The following ORC6 variants were observed in gnomAD, a reference collection of about 807,000 sequenced individuals.
ORC6 encodes origin recognition complex, subunit 6 homolog-like (yeast).
Under a neutral mutation model 30.0 loss-of-function variants are expected in ORC6, and 31 were observed. The observed-to-expected ratio is 1.03, with a 90% CI of 0.78 to 1.40. The LOEUF (loss-of-function observed/expected upper bound fraction) is 1.40. ORC6 is among the 40% of genes most tolerant of loss of function. The pLI is 0.00. For missense variants in ORC6, 340 were observed against 304.3 expected, an observed-to-expected ratio of 1.12 and a Z score of -0.87; for synonymous variants, 136 against 111.2, an observed-to-expected ratio of 1.22 and a Z score of -1.40.
chr16:46,689,789 G>C lies in ORC6; in HGVS notation c.65+19G>C, dbSNP rs892058354. ...TGCTGAGGTGAGTTCGGCCGCGCAA[G>C]ACCAGGGCTGGGCTTCCGCCTCGCG... On this transcript the variant is annotated intron_variant, in intron 1 of 6. Transcript: ENST00000219097. The C allele has an allele frequency of 1.9e-6, 3 of 1,578,270 alleles. No homozygotes were observed. The highest frequency in any genetic ancestry group is 1.7e-6 in the Non-Finnish European group (2 of 1,164,336).
intron 2 of ORC6, among the ~76,000 whole-genome samples, chr16:46,691,974 T>TCTCTCTCTCTCTCTC (rs1198359001): frequency 6.8e-6 from 1 of 146,592 alleles, no homozygotes; most frequent in Non-Finnish European, 1.5e-5. Context: ...TCTCTCTCTC[T>TCTCTCTCTCTCTCTC]CTCTCTCACC....
chr16:46,693,640 A>G (rs906256969), intron 4 of ORC6: 3 of 142,004 alleles, frequency 2.1e-5, no homozygotes, highest in Admixed American at 7.0e-5. Flanking sequence ...ATCTCTTAAG[A>G]AAAAAAAAAA....
Position 46,692,994 on chromosome 16 carries a change from CAT to C in ORC6, c.360-96_360-95del. On this transcript the variant is annotated intron_variant, in intron 3 of 6. Coordinates refer to ENST00000219097, the MANE Select transcript of ORC6 (RefSeq NM_014321.4). ...ATGACTCGTGTTAAGTGACAGCACA[CAT>C]ATCCATTTTAAAAGCTTGTAAGTTC... 4.9e-6 allele frequency: 4 copies of C among 815,316 alleles called. 1 individual carries two copies. Among genetic ancestry groups the C allele is most frequent in the South Asian group, 4.0e-5 (3 of 74,270 alleles). The allele number at this position is 815,316 out of a possible 1,614,324, so 50.5% of individuals were successfully genotyped here.
rs983090557 is a variant in ORC6, at chr16:46,691,542, A to G, written c.195+422A>G. 3.3e-5 allele frequency among the ~76,000 whole-genome samples: 5 copies of G among 152,238 alleles called. No individual in the cohort carries two copies. The South Asian group carries it at 8.3e-4, about 25-fold the overall frequency. On this transcript the variant is annotated intron_variant, in intron 2 of 6. Coordinates refer to ENST00000219097, the MANE Select transcript of ORC6 (RefSeq NM_014321.4). ...CAGTGTCCTCATCCATAAAGTGAAG[A>G]TAAAATATCCAATTTCGCTGGATTA...
At chr16:46,690,291 A>G (rs182334165) in intron 1 of ORC6, among the ~76,000 whole-genome samples, 1 of 152,378 alleles carries the variant, frequency 6.6e-6, no homozygotes, top group Non-Finnish European at 1.5e-5. Flanking sequence ...GAGGAAAGAT[A>G]TGGCAAGAGC....
chr16:46,697,817 A>G lies in ORC6; in HGVS notation c.*232A>G, dbSNP rs531879095. 4.5e-5 allele frequency: 28 copies of G among 620,408 alleles called. No individual in the cohort carries two copies. Among genetic ancestry groups the G allele is most frequent in the Admixed American group, 1.9e-4 (9 of 47,418 alleles). The allele number at this position is 620,408 out of a possible 1,614,324, so 38.4% of individuals were successfully genotyped here. ...TTGGTATAGCCTTATGTGCTTTCCT[A>G]CAAAATGGAATTGGAGGCCGGGCGC... On this transcript the variant is annotated 3_prime_UTR_variant, in exon 7 of 7. Coordinates refer to ENST00000219097, the MANE Select transcript of ORC6 (RefSeq NM_014321.4).
chr16:46,691,040 T>A lies in ORC6; in HGVS notation c.115T>A (p.Ser39Thr). ...RLSRVKCVGLSARTTETSSAV... is the reference protein window; with the variant it reads ...RLSRVKCVGLTARTTETSSAV... Reference sequence around the variant, plus strand: ...GTCCCGGGTGAAGTGTGTCGGCCTCTCCGCACGCACCACGGAGACCAGCAG... The same window carrying A: ...GTCCCGGGTGAAGTGTGTCGGCCTCACCGCACGCACCACGGAGACCAGCAG... Residue 39 changes from serine (S) to threonine (T), a missense_variant, in exon 2 of 7, where the codon TCC (serine) becomes ACC (threonine). By Grantham distance (58) the Ser-to-Thr change is moderately conservative. Transcript: ENST00000219097. 1.9e-6 allele frequency: 3 copies of A among 1,614,200 alleles called. No homozygotes were observed. The highest frequency in any genetic ancestry group is 1.7e-6 in the Non-Finnish European group (2 of 1,179,998).
Position 46,693,157 on chromosome 16 carries a change from TCTG to T in ORC6, c.429_431del (p.Ala144del), listed in dbSNP as rs1167093637. 3 of 1,612,262 alleles carry T rather than the reference TCTG, an allele frequency of 1.9e-6. No individual in the cohort carries two copies. Among genetic ancestry groups the T allele is most frequent in the Non-Finnish European group, 2.5e-6 (3 of 1,178,314 alleles). On this transcript the variant is annotated inframe_deletion, in exon 4 of 7. Transcript: ENST00000219097. The stretch of plus-strand genomic sequence containing the variant: ...TGACTTATCCAGGCCACTTTTCACT[TCTG>T]CTGCACTGCTTTCAGCATGCAAGTA...
At position 46,691,054 on chromosome 16, in the gene ORC6, G is replaced by C; in HGVS notation, c.129G>C (p.Thr43=). The C allele has an allele frequency of 1.9e-6, 3 of 1,614,100 alleles. No individual in the cohort carries two copies. Among genetic ancestry groups the C allele is most frequent in the Middle Eastern group, 1.6e-4 (1 of 6,062 alleles). Residue 43 remains threonine (T), a synonymous_variant, in exon 2 of 7, where the codon ACG becomes ACC. Coordinates refer to ENST00000219097, the MANE Select transcript of ORC6 (RefSeq NM_014321.4). ...GTGTCGGCCTCTCCGCACGCACCAC[G>C]GAGACCAGCAGTGCAGTCATGTGCC... ...VKCVGLSART[T]ETSSAVMCLD...
At chr16:46,696,193 T>C (rs1567275369) in intron 6 of ORC6, 108 bp downstream of exon 6, 2 of 767,602 alleles carry the variant, frequency 2.6e-6, no homozygotes, top group African/African-American at 3.4e-5. Flanking sequence ...ACATTCTGAC[T>C]GTGAATCATT....
chr16:46,689,925 C>G (rs1293393111), intron 1 of ORC6, 155 bp downstream of exon 1: 1 of 1,147,232 alleles, frequency 8.7e-7, no homozygotes, highest in African/African-American at 1.6e-5. Flanking sequence ...AGAAAAACTT[C>G]TCGGCCGTGA....
Position 46,689,697 on chromosome 16 carries a change from G to T in ORC6, c.-9G>T, listed in dbSNP as rs772249561. 2.5e-6 allele frequency: 4 copies of T among 1,598,382 alleles called. No homozygotes were observed. Among genetic ancestry groups the T allele is most frequent in the African/African-American group, 1.3e-5 (1 of 74,810 alleles). The stretch of plus-strand genomic sequence containing the variant: ...GTTCACGGGAATTGTTCGCTTTAGT[G>T]CCGGCGCCATGGGGTCGGAGCTGAT... On this transcript the variant is annotated 5_prime_UTR_variant, in exon 1 of 7. Transcript: ENST00000219097.
At chr16:46,694,482 CG>C (rs1183949729) in intron 4 of ORC6, 1 of 140,482 alleles carries the variant, frequency 7.1e-6, no homozygotes, top group South Asian at 2.4e-4. Flanking sequence ...GCTGGCCGGG[CG>C]GGGGGGCTGA....
chr16:46,694,626 G>GC (rs1381516945), intron 4 of ORC6: 2 of 25,762 alleles, frequency 7.8e-5, no homozygotes, highest in Non-Finnish European at 2.4e-4. Context: ...GGGGCGGCTG[G>GC]CCGGGCGGGG....
intron 2 of ORC6, among the ~76,000 whole-genome samples, 182 bp downstream of exon 2, chr16:46,691,302 C>G (rs1224630721): frequency 1.3e-5 from 2 of 152,192 alleles, no homozygotes; most frequent in Non-Finnish European, 2.9e-5. Context: ...GCCATGTTTT[C>G]TTTACTCTTC....
chr16:46,698,160 T>TATAGATGG lies in ORC6; in HGVS notation c.*581_*582insGGATAGAT, dbSNP rs1966542173. The TATAGATGG allele has an allele frequency of 2.7e-6, 1 of 368,720 alleles. No individual in the cohort carries two copies. The highest frequency in any genetic ancestry group is 5.6e-6 in the Non-Finnish European group (1 of 180,124). 22.8% of individuals were successfully genotyped at this position (368,720 alleles called of 1,614,324 possible). A position where few individuals can be genotyped will look rare whatever the true frequency, so the allele number is the denominator to read the frequency against. On this transcript the variant is annotated 3_prime_UTR_variant, in exon 7 of 7. Coordinates refer to ENST00000219097, the MANE Select transcript of ORC6 (RefSeq NM_014321.4). ...CCAGCCTGGGTGACAGAGCGAGACT[T>TATAGATGG]ATAGATAGATAGATAGATAGATGGA...
intron 2 of ORC6, 134 bp from the exon 3 acceptor site, chr16:46,692,248 A>G (rs997141842): frequency 1.4e-6 from 1 of 706,182 alleles, no homozygotes; most frequent in Non-Finnish European, 2.4e-6. Flanking sequence ...AAATGAAGCT[A>G]AACCTTTAGG....
At chr16:46,696,916 A>G (rs1167279910) in intron 6 of ORC6, among the ~76,000 whole-genome samples, 1 of 152,076 alleles carries the variant, frequency 6.6e-6, no homozygotes, top group Non-Finnish European at 1.5e-5. Flanking sequence ...TCACCTCCCA[A>G]AGTGCTGGGA....
At chr16:46,691,190 C>G in intron 2 of ORC6, 70 bp downstream of exon 2, 1 of 1,466,238 alleles carries the variant, frequency 6.8e-7, no homozygotes, top group South Asian at 1.1e-5. Context: ...TTTGGTTGAA[C>G]TAAACCCTAG....
Sources: allele counts gnomAD v4.1 joint callset (sites outside exome capture counted in the v4.1 genomes callset), GRCh38; gene constraint gnomAD v4.1.1; transcripts MANE v1.5; gene names NCBI Gene and HGNC (gene_info 2026-07-23, HGNC 2026-07-21).